The following RAPGEF6 variants were observed in gnomAD, a reference collection of about 807,000 sequenced individuals.
RAPGEF6 encodes PDZ domain containing guanine nucleotide exchange factor (GEF) 2.
Under a neutral mutation model 171.4 loss-of-function variants are expected in RAPGEF6, and 56 were observed. The ratio of observed to expected loss-of-function variants is 0.33; its 90% confidence interval spans 0.26 to 0.41. RAPGEF6 has a LOEUF of 0.41. RAPGEF6 is among the 10% of genes least tolerant of loss of function. The pLI is 1.00. For synonymous variants in RAPGEF6, 692 were observed against 650.1 expected, an observed-to-expected ratio of 1.06 and a Z score of -0.98; for missense variants, 1,674 against 1,921.4, an observed-to-expected ratio of 0.87 and a Z score of 2.41.
chr5:131,560,353 G>A (rs1028082536), intron 5 of RAPGEF6, among the ~76,000 whole-genome samples: 2 of 152,124 alleles, frequency 1.3e-5, no homozygotes, highest in African/African-American at 4.8e-5. Flanking sequence ...TTCATCAATT[G>A]CACCAACAAT....
At chr5:131,458,705 G>A (rs1244085624) in intron 19 of RAPGEF6, among the ~76,000 whole-genome samples, 5 of 152,200 alleles carry the variant, frequency 3.3e-5, no homozygotes, top group Admixed American at 3.3e-4. Flanking sequence ...CCAGGCTGGA[G>A]TGCAGTGGCA....
chr5:131,572,373 C>T (rs187348683), intron 4 of RAPGEF6, among the ~76,000 whole-genome samples: 101 of 152,316 alleles, frequency 6.6e-4, no homozygotes, highest in African/African-American at 2.3e-3. Flanking sequence ...CGCCTCCCTT[C>T]AATCTCTCTC....
intron 6 of RAPGEF6, among the ~76,000 whole-genome samples, chr5:131,528,049 TATATA>T (rs1231059739): frequency 2.7e-4 from 35 of 128,040 alleles, no homozygotes; most frequent in South Asian, 6.9e-4. Flanking sequence ...TATATAATTA[TATATA>T]ATATAATATA....
intron 19 of RAPGEF6, among the ~76,000 whole-genome samples, chr5:131,459,082 C>T (rs567598935): frequency 2.0e-5 from 3 of 152,242 alleles, no homozygotes; most frequent in African/African-American, 7.2e-5. Flanking sequence ...CCTATCAGAC[C>T]TTAAAACCTA....
chr5:131,629,869 C>CTCT (rs1766191084), intron 1 of RAPGEF6, among the ~76,000 whole-genome samples: 1 of 151,892 alleles, frequency 6.6e-6, no homozygotes, highest in Admixed American at 6.6e-5. Flanking sequence ...GAGAAGCTGC[C>CTCT]TCTTATGCAT....
chr5:131,575,031 T>C (rs189362204), intron 4 of RAPGEF6, among the ~76,000 whole-genome samples: 112 of 152,248 alleles, frequency 7.4e-4, no homozygotes, highest in South Asian at 6.4e-3. Flanking sequence ...CCAAATTGTC[T>C]TACCTATCCA....
At chr5:131,594,726 C>T (rs1354857700) in intron 3 of RAPGEF6, among the ~76,000 whole-genome samples, 1 of 152,210 alleles carries the variant, frequency 6.6e-6, no homozygotes, top group Non-Finnish European at 1.5e-5. Flanking sequence ...CACCACTTGC[C>T]TCAGGGTGCC....
At chr5:131,631,200 C>A (rs1193913984) in intron 1 of RAPGEF6, among the ~76,000 whole-genome samples, 1 of 152,212 alleles carries the variant, frequency 6.6e-6, no homozygotes, top group Non-Finnish European at 1.5e-5. Context: ...ATTGTTATCT[C>A]CAGCTCAGGC....
At chr5:131,436,909 C>T (rs1242056583) in intron 24 of RAPGEF6, among the ~76,000 whole-genome samples, 1 of 152,106 alleles carries the variant, frequency 6.6e-6, no homozygotes, top group Non-Finnish European at 1.5e-5. Flanking sequence ...TGTTTAAGGT[C>T]TTTTGACTTC....
intron 6 of RAPGEF6, among the ~76,000 whole-genome samples, chr5:131,543,204 A>G (rs985872630): frequency 6.6e-6 from 1 of 152,168 alleles, no homozygotes; most frequent in African/African-American, 2.4e-5. Flanking sequence ...GAAGCAAAAT[A>G]AATGGACTAG....
chr5:131,495,517 T>A, intron 13 of RAPGEF6, 36 bp downstream of exon 13: 1 of 1,550,296 alleles, frequency 6.5e-7, no homozygotes, highest in Non-Finnish European at 8.9e-7. Flanking sequence ...GGGGGACCAC[T>A]ACACTCTGAA....
intron 7 of RAPGEF6, among the ~76,000 whole-genome samples, chr5:131,512,474 C>T (rs1225947776): frequency 6.6e-6 from 1 of 151,786 alleles, no homozygotes; most frequent in South Asian, 2.1e-4. Flanking sequence ...GTAGCTAGGA[C>T]CACAGGCACT....
chr5:131,501,510 G>A (rs1379837111), intron 11 of RAPGEF6, among the ~76,000 whole-genome samples: 1 of 152,114 alleles, frequency 6.6e-6, no homozygotes, highest in East Asian at 1.9e-4. Context: ...ATTTTAAGGT[G>A]TGTATAAACT....
At chr5:131,449,984 C>T in intron 21 of RAPGEF6, 1 of 1,521,828 alleles carries the variant, frequency 6.6e-7, no homozygotes, top group African/African-American at 1.4e-5. Flanking sequence ...TTAAGAGTCG[C>T]ACAACCTTCA....
intron 6 of RAPGEF6, among the ~76,000 whole-genome samples, chr5:131,542,201 C>T (rs548374587): frequency 2.8e-4 from 42 of 152,192 alleles, no homozygotes; most frequent in African/African-American, 1.0e-3. Flanking sequence ...AATATATTTA[C>T]ATATTTTGGT....
At chr5:131,573,559 C>T (rs928743037) in intron 4 of RAPGEF6, among the ~76,000 whole-genome samples, 8 of 152,104 alleles carry the variant, frequency 5.3e-5, no homozygotes, top group Admixed American at 4.6e-4. Flanking sequence ...CCCAGTCCTA[C>T]GCAGATACCC....
At chr5:131,599,082 G>T (rs78921043) in intron 3 of RAPGEF6, among the ~76,000 whole-genome samples, 4,039 of 152,220 alleles carry the variant, frequency 0.027, 191 homozygotes, top group African/African-American at 0.092. Context: ...AGGCAGAGAC[G>T]GGCGGATTAC....
chr5:131,620,843 C>G (rs1054524731), intron 1 of RAPGEF6, among the ~76,000 whole-genome samples: 38 of 152,316 alleles, frequency 2.5e-4, no homozygotes, highest in African/African-American at 9.1e-4. Flanking sequence ...CTGCCCACCT[C>G]GGCCTCTCAA....
chr5:131,522,912 C>T (rs1036300669), intron 6 of RAPGEF6, among the ~76,000 whole-genome samples: 3 of 152,098 alleles, frequency 2.0e-5, no homozygotes, highest in Non-Finnish European at 4.4e-5. Context: ...GACCTCAATG[C>T]CTGATGCTAA....
Sources: allele counts gnomAD v4.1 joint callset (sites outside exome capture counted in the v4.1 genomes callset), GRCh38; gene constraint gnomAD v4.1.1; transcripts MANE v1.5; gene names NCBI Gene and HGNC (gene_info 2026-07-23, HGNC 2026-07-21).